The following SLC23A1 variants were observed in gnomAD, a reference collection of about 807,000 sequenced individuals.
SLC23A1 encodes Na(+)/L-ascorbic acid transporter 1.
SLC23A1 carries 31 observed loss-of-function variants against 62.5 expected under a neutral mutation model. That is an observed-to-expected ratio of 0.50 (90% CI 0.37 to 0.67). The LOEUF (loss-of-function observed/expected upper bound fraction) is 0.67. Among genes scored for constraint, SLC23A1 ranks in the 30% least tolerant of loss-of-function variants. SLC23A1 has a pLI of 0.00. For synonymous variants in SLC23A1, 271 were observed against 313.2 expected (o/e 0.87, Z 1.42); for missense variants, 640 against 782.7 (o/e 0.82, Z 2.18).
intron 13 of SLC23A1, among the ~76,000 whole-genome samples, chr5:139,376,133 C>A (rs1757933148): frequency 6.6e-6 from 1 of 151,490 alleles, no homozygotes; most frequent in East Asian, 1.9e-4. Context: ...TAGTCTGAGA[C>A]CCTGTCTCAA....
rs1758118194 is a variant in SLC23A1 at position 139,379,346 on chromosome 5, C to T, written c.934G>A (p.Gly312Ser). ...GCAGCCGCAGTCACCGTGGGCAGGCCCCACTGACCTGTGCTCGGAGGGAGA... is the reference window on the plus strand; with the variant it reads ...GCAGCCGCAGTCACCGTGGGCAGGCTCCACTGACCTGTGCTCGGAGGGAGA... ...WIRIPYPCQWGLPTVTAAAVL... is the reference protein window; with the variant it reads ...WIRIPYPCQWSLPTVTAAAVL... The change falls in exon 9 of 15, where the codon GGC becomes AGC. Residue 312 changes from glycine (G) to serine (S), a missense_variant. Gly to Ser is a moderately conservative substitution (Grantham distance 56). Transcript: ENST00000348729. The surrounding 1 kb of genome is among the most constrained non-coding windows in gnomAD (Gnocchi z 4.7). The T allele has an allele frequency of 6.2e-7, 1 of 1,614,088 alleles. No individual in the cohort carries two copies. The highest frequency in any genetic ancestry group is 1.3e-5 in the African/African-American group (1 of 75,020).
chr5:139,380,682 AGG>A, intron 4 of SLC23A1, 50 bp from the exon 5 acceptor site: 6 of 1,528,188 alleles, frequency 3.9e-6, no homozygotes, highest in Non-Finnish European at 5.4e-6. Context: ...AGAGACAGAG[AGG>A]GAGAGAAGAT....
Position 139,378,426 on chromosome 5 carries a change from T to G in SLC23A1, c.1180-75A>C. 1 of 1,513,940 alleles carries G rather than the reference T, an allele frequency of 6.6e-7. No homozygotes were observed. Among genetic ancestry groups the G allele is most frequent in the Non-Finnish European group, 8.9e-7 (1 of 1,120,868 alleles). 93.8% of individuals were successfully genotyped at this position (1,513,940 alleles called of 1,614,324 possible). On this transcript the variant is annotated intron_variant, in intron 10 of 14. Coordinates refer to ENST00000348729, the MANE Select transcript of SLC23A1 (RefSeq NM_005847.5). This position sits in a 1 kb window ranked among gnomAD's most constrained non-coding sequence, Gnocchi z 4.5. The stretch of plus-strand genomic sequence containing the variant: ...GGGTTAGTTCCAGGGGCGGGGCCTG[T>G]TATAAGAGCGAGGCATAAACCGGCT...
In SLC23A1 at chr5:139,379,559, G is replaced by T; in HGVS notation, c.925+119C>A. On this transcript the variant is annotated intron_variant, in intron 8 of 14. Transcript: ENST00000348729. The surrounding 1 kb of genome is among the most constrained non-coding windows in gnomAD (Gnocchi z 4.7). ...GTCTAAGTAAAACACCACTCTGCTG[G>T]GCGCACTATAAATGTGCGGCTAATG... is the stretch of plus-strand genomic sequence containing the variant. The T allele has an allele frequency of 8.9e-7, 1 of 1,121,304 alleles. No homozygotes were observed. The highest frequency in any genetic ancestry group is 1.5e-5 in the African/African-American group (1 of 64,940). 69.5% of individuals were successfully genotyped at this position (1,121,304 alleles called of 1,614,324 possible).
In SLC23A1 at chr5:139,380,174, G is replaced by A. The variant is rs377575253; in HGVS notation, c.647+34C>T. 1.0e-4 allele frequency: 161 copies of A among 1,556,110 alleles called. No individual in the cohort carries two copies. In the African/African-American group the frequency reaches 2.0e-3, roughly 20 times the overall value. On this transcript the variant is annotated intron_variant, in intron 6 of 14. Transcript: ENST00000348729. ...GGACATGAAGAGGGTAGGGTGCTGG[G>A]GCTGGGCAGGGATCAGGCCTGGTGC...
Position 139,379,909 on chromosome 5 carries a change from C to T in SLC23A1, c.768+47G>A. 6.2e-7 allele frequency: 1 copy of T among 1,614,028 alleles called. No individual in the cohort carries two copies. Among genetic ancestry groups the T allele is most frequent in the Non-Finnish European group, 8.5e-7 (1 of 1,179,912 alleles). On this transcript the variant is annotated intron_variant, in intron 7 of 14. Transcript: ENST00000348729. This position sits in a 1 kb window ranked among gnomAD's most constrained non-coding sequence, Gnocchi z 4.7. ...AGGCTAACCTGCTCCCACCTCAGCC[C>T]AAGCCCTGGCCATAGTCCCAGCCCC...
intron 14 of SLC23A1, among the ~76,000 whole-genome samples, chr5:139,370,710 A>G (rs1757609926): frequency 6.6e-6 from 1 of 151,160 alleles, no homozygotes; most frequent in Admixed American, 6.6e-5. Context: ...GCCAGGCTGG[A>G]CTCGAACTCC....
rs1561980001 is a variant in SLC23A1, at chr5:139,380,321, G to A, written c.534C>T (p.Ala178=). The change falls in exon 6 of 15, where the codon GCC becomes GCT. Residue 178 remains alanine (A), a synonymous_variant. Coordinates refer to ENST00000348729, the MANE Select transcript of SLC23A1 (RefSeq NM_005847.5). ...TGAGAGGCCCAATGTAGTTGAGCAG[G>A]GCCCCAGGCAGCCCCAGCAGGCCAA... The part of the protein sequence containing the change: ...VVIGLLGLPG[A]LLNYIGPLTV... The A allele has an allele frequency of 6.2e-7, 1 of 1,609,428 alleles. No individual in the cohort carries two copies. The highest frequency in any genetic ancestry group is 8.5e-7 in the Non-Finnish European group (1 of 1,178,052).
chr5:139,373,446 C>G (rs1216226147), intron 13 of SLC23A1, among the ~76,000 whole-genome samples: 1 of 152,120 alleles, frequency 6.6e-6, no homozygotes, highest in Non-Finnish European at 1.5e-5. Flanking sequence ...TTGCAAAGTT[C>G]TGGGATTATA....
At position 139,377,641 on chromosome 5, in the gene SLC23A1, A is replaced by C; in HGVS notation, c.1454-144T>G. 4.7e-6 allele frequency: 3 copies of C among 639,662 alleles called. No individual in the cohort carries two copies. In the South Asian group the frequency reaches 5.5e-5, roughly 12 times the overall value. The allele number at this position is 639,662 out of a possible 1,614,324, so 39.6% of individuals were successfully genotyped here. On this transcript the variant is annotated intron_variant, in intron 12 of 14. Transcript: ENST00000348729. The stretch of plus-strand genomic sequence containing the variant: ...CTCTGTCTTTCCTATCTCTGGGTTC[A>C]AGTCCCAATTCTGCCAGTTGCTAGT...
At chr5:139,367,971 A>T (rs559968345) in intron 14 of SLC23A1, among the ~76,000 whole-genome samples, 1 of 152,290 alleles carries the variant, frequency 6.6e-6, no homozygotes, top group East Asian at 1.9e-4. Context: ...TAGGAGGCCG[A>T]GGCAGGCAGA....
chr5:139,370,283 G>A (rs895591588), intron 14 of SLC23A1, among the ~76,000 whole-genome samples: 23 of 152,062 alleles, frequency 1.5e-4, no homozygotes, highest in Non-Finnish European at 2.9e-4. Flanking sequence ...TGATTCTCCT[G>A]CCTCAGCCTC....
At chr5:139,384,325 T>TGCCCCA, upstream of SLC23A1, 1 of 1,255,298 alleles carries the variant, frequency 8.0e-7, no homozygotes, top group Non-Finnish European at 1.0e-6. Context: ...CCCTCTGGGC[T>TGCCCCA]GCCCCAGCCC....
intron 13 of SLC23A1, among the ~76,000 whole-genome samples, chr5:139,375,095 ACC>A (rs1429230987): frequency 6.6e-6 from 1 of 152,140 alleles, no homozygotes; most frequent in Non-Finnish European, 1.5e-5. Flanking sequence ...AGCCTCTGAC[ACC>A]TATGTTATGT....
intron 13 of SLC23A1, among the ~76,000 whole-genome samples, chr5:139,372,676 C>T (rs1175275833): frequency 6.6e-6 from 1 of 152,120 alleles, no homozygotes; most frequent in African/African-American, 2.4e-5. Context: ...CCTCCTCCTC[C>T]CGGGTTTAAG....
chr5:139,375,675 A>G (rs972431383), intron 13 of SLC23A1, among the ~76,000 whole-genome samples: 1 of 152,128 alleles, frequency 6.6e-6, no homozygotes, highest in Admixed American at 6.5e-5. Flanking sequence ...TCTCTACTAA[A>G]AATACAAAAA....
intron 14 of SLC23A1, among the ~76,000 whole-genome samples, 188 bp from the exon 15 acceptor site, chr5:139,367,819 CGTGCTA>C (rs1757358595): frequency 6.6e-6 from 1 of 152,152 alleles, no homozygotes; most frequent in Non-Finnish European, 1.5e-5. Flanking sequence ...TTCCTTGTTC[CGTGCTA>C]TTCCTTTAAC....
At position 139,382,547 on chromosome 5, in the gene SLC23A1, A is replaced by G. The variant is rs1758327375; in HGVS notation, c.95T>C (p.Leu32Ser). The G allele has an allele frequency of 6.2e-7, 1 of 1,613,366 alleles. No individual in the cohort carries two copies. The highest frequency in any genetic ancestry group is 1.7e-5 in the Admixed American group (1 of 59,892). The change falls in exon 2 of 15, where the codon TTG becomes TCG. Residue 32 changes from leucine (L) to serine (S), a missense_variant. Physicochemically the swap from Leu to Ser is moderately radical, Grantham distance 145 (BLOSUM62 -2). Coordinates refer to ENST00000348729, the MANE Select transcript of SLC23A1 (RefSeq NM_005847.5). ...PLPTEPKFDM[L>S]YKIEDVPPWY... ...AGGTGGCACGTCCTCGATCTTGTACAACATGTCAAACTTAGGCTCTGTGGG... is the reference window on the plus strand; with the variant it reads ...AGGTGGCACGTCCTCGATCTTGTACGACATGTCAAACTTAGGCTCTGTGGG...
chr5:139,380,139 G>A (rs1350110162), intron 6 of SLC23A1, 63 bp from the exon 7 acceptor site: 13 of 1,567,626 alleles, frequency 8.3e-6, no homozygotes, highest in Non-Finnish European at 1.1e-5. Context: ...GAGCCGGGAA[G>A]AAGGACCAAG....
Sources: allele counts gnomAD v4.1 joint callset (sites outside exome capture counted in the v4.1 genomes callset), GRCh38; gene constraint gnomAD v4.1.1; non-coding constraint Gnocchi (gnomAD v3.1); transcripts MANE v1.5; gene names NCBI Gene and HGNC (gene_info 2026-07-23, HGNC 2026-07-21).